The following TAFA1 variants were observed in gnomAD, a reference collection of about 807,000 sequenced individuals.
The protein encoded by TAFA1 is chemokine-like protein TAFA-1.
TAFA1 carries 4 observed loss-of-function variants against 18.5 expected under a neutral mutation model. That is an observed-to-expected ratio of 0.22 (90% CI 0.11 to 0.49). The LOEUF (loss-of-function observed/expected upper bound fraction) is 0.49, where lower values mean the gene tolerates loss of function less well. TAFA1 is among the 20% of genes least tolerant of loss of function. The pLI is 0.98. For missense variants in TAFA1, 147 were observed against 169.0 expected, an observed-to-expected ratio of 0.87 and a Z score of 0.72; for synonymous variants, 56 against 55.2, an observed-to-expected ratio of 1.01 and a Z score of -0.06.
Position 68,307,548 on chromosome 3 carries a change from T to C in TAFA1, c.119-109732T>C, listed in dbSNP as rs73836862. Among the ~76,000 whole-genome samples, 299 of 152,362 alleles carry C rather than the reference T, an allele frequency of 2.0e-3. 1 individual carries two copies. The highest frequency in any genetic ancestry group is 7.0e-3 in the African/African-American group (291 of 41,592). On this transcript the variant is annotated intron_variant, in intron 2 of 4. Coordinates refer to ENST00000478136, the MANE Select transcript of TAFA1 (RefSeq NM_213609.4). ...CATGTTAATTTTTTCAAACTTACTG[T>C]ATATATGGCTTTGTCCAGTTCTTAT...
intron 3 of TAFA1, among the ~76,000 whole-genome samples, chr3:68,500,056 GC>G (rs1203306560): frequency 2.6e-5 from 4 of 151,952 alleles, no homozygotes; most frequent in African/African-American, 7.2e-5. Context: ...TTTTGGTTGT[GC>G]CTTCTACTAT....
intron 2 of TAFA1, among the ~76,000 whole-genome samples, chr3:68,268,589 A>ATTTTTTTTT: frequency 6.6e-6 from 1 of 152,180 alleles, no homozygotes; most frequent in African/African-American, 2.4e-5. Flanking sequence ...GATAGCAAAG[A>ATTTTTTTTT]AAAGAATGGA....
intron 2 of TAFA1, among the ~76,000 whole-genome samples, chr3:68,303,493 T>G (rs1461865309): frequency 6.6e-6 from 1 of 152,106 alleles, no homozygotes; most frequent in Non-Finnish European, 1.5e-5. Context: ...CAGGCTGGAG[T>G]GCAGTAGCGT....
chr3:68,425,900 C>G (rs1300617380), intron 3 of TAFA1, among the ~76,000 whole-genome samples: 3 of 151,826 alleles, frequency 2.0e-5, no homozygotes, highest in Admixed American at 2.0e-4. Flanking sequence ...CAGTTTCCCA[C>G]AAGGCTCACT....
intron 2 of TAFA1, among the ~76,000 whole-genome samples, chr3:68,319,551 C>A (rs576010436): frequency 3.4e-4 from 52 of 152,250 alleles, no homozygotes; most frequent in African/African-American, 1.2e-3. Context: ...AAACCCTGCC[C>A]GAATGGCTTA....
intron 2 of TAFA1, among the ~76,000 whole-genome samples, chr3:68,117,467 G>C (rs2065337888): frequency 2.0e-5 from 3 of 152,204 alleles, no homozygotes; most frequent in African/African-American, 7.2e-5. Flanking sequence ...TGAATTTAAT[G>C]ATAGGTTATC....
intron 2 of TAFA1, among the ~76,000 whole-genome samples, chr3:68,120,189 CTTTCTTTCTTTCTTTCTTTCTT>C (rs2065376396): frequency 8.0e-5 from 3 of 37,546 alleles, no homozygotes; most frequent in Non-Finnish European, 1.7e-4. Context: ...TTCTTTCTTT[CTTTCTTTCTTTCTTTCTTTCTT>C]TCTTTCTTTC....
intron 2 of TAFA1, among the ~76,000 whole-genome samples, chr3:68,395,187 GAA>G (rs369346411): frequency 6.6e-6 from 1 of 150,700 alleles, no homozygotes; most frequent in South Asian, 2.1e-4. Flanking sequence ...ACAAACATAT[GAA>G]AAAAAAACTC....
chr3:68,116,340 C>A (rs1229081908), intron 2 of TAFA1, among the ~76,000 whole-genome samples: 1 of 152,120 alleles, frequency 6.6e-6, no homozygotes, highest in East Asian at 1.9e-4. Context: ...ATATTATACA[C>A]ATAAGGAAAT....
intron 2 of TAFA1, among the ~76,000 whole-genome samples, chr3:68,080,414 G>T (rs1360063769): frequency 6.6e-6 from 1 of 151,912 alleles, no homozygotes; most frequent in Non-Finnish European, 1.5e-5. Context: ...AGTCTCGATG[G>T]TCTTTACATT....
chr3:68,262,035 T>G (rs2067435903), intron 2 of TAFA1, among the ~76,000 whole-genome samples: 2 of 151,558 alleles, frequency 1.3e-5, no homozygotes, highest in African/African-American at 4.8e-5. Flanking sequence ...ATAAAATGAT[T>G]TATTTATTTA....
At chr3:68,281,208 GA>G (rs2067891734) in intron 2 of TAFA1, among the ~76,000 whole-genome samples, 1 of 152,064 alleles carries the variant, frequency 6.6e-6, no homozygotes, top group African/African-American at 2.4e-5. Context: ...AGGTTTTATA[GA>G]TAAGTAAATT....
At chr3:68,217,125 A>C (rs1307479482) in intron 2 of TAFA1, among the ~76,000 whole-genome samples, 1 of 152,132 alleles carries the variant, frequency 6.6e-6, no homozygotes, top group Non-Finnish European at 1.5e-5. Flanking sequence ...AACCTGGCAA[A>C]GATTACCACA....
At chr3:68,414,696 G>C (rs1280943639) in intron 2 of TAFA1, among the ~76,000 whole-genome samples, 1 of 152,156 alleles carries the variant, frequency 6.6e-6, no homozygotes, top group African/African-American at 2.4e-5. Context: ...TTTGACAACA[G>C]TGCCATGAGG....
chr3:68,446,083 T>G lies in TAFA1; in HGVS notation c.259+28663T>G, dbSNP rs2071470270. ...TAGCCAGCTAATTTTTCTTTTTAAT[T>G]TTTTGTAGTGATGGGGTCTTGCTAT... On this transcript the variant is annotated intron_variant, in intron 3 of 4. Transcript: ENST00000478136. Among the ~76,000 whole-genome samples the G allele has an allele frequency of 2.0e-5, 3 of 152,086 alleles. No homozygotes were observed. The South Asian group carries it at 6.2e-4, about 32-fold the overall frequency.
intron 3 of TAFA1, among the ~76,000 whole-genome samples, chr3:68,426,290 C>T (rs577175526): frequency 6.6e-6 from 1 of 151,598 alleles, no homozygotes; most frequent in Non-Finnish European, 1.5e-5. Flanking sequence ...CTCACTAATC[C>T]TCTCACATCA....
In TAFA1 at chr3:68,086,749, C is replaced by T. The variant is rs181824454; in HGVS notation, c.118+80005C>T. On this transcript the variant is annotated intron_variant, in intron 2 of 4. Transcript: ENST00000478136. ...TTTGAAATTGTCAGACTTGTGGCCA[C>T]ACATCCTATTGTGATATAAACCTAT... Among the ~76,000 whole-genome samples, 488 of 152,252 alleles carry T rather than the reference C, an allele frequency of 3.2e-3. 4 individuals carry two copies. Among genetic ancestry groups the T allele is most frequent in the African/African-American group, 0.011 (456 of 41,550 alleles).
In TAFA1 at chr3:68,527,503, C is replaced by A. The variant is rs575694351; in HGVS notation, c.260-11253C>A. 4.6e-5 allele frequency among the ~76,000 whole-genome samples: 7 copies of A among 152,196 alleles called. No individual in the cohort carries two copies. The South Asian group carries it at 1.5e-3, about 32-fold the overall frequency. ...TAATATATACTTACTTGTTTTAATA[C>A]AAAAACAGTTTTGTTAATTACTTAA... On this transcript the variant is annotated intron_variant, in intron 3 of 4. Transcript: ENST00000478136.
At chr3:68,054,555 G>A (rs2064510454) in intron 2 of TAFA1, among the ~76,000 whole-genome samples, 11 of 152,188 alleles carry the variant, frequency 7.2e-5, no homozygotes, top group Admixed American at 5.9e-4. Flanking sequence ...AAGACATGTG[G>A]CCTGTGGACC....
Sources: gnomAD v4.1 joint callset for allele counts (sites outside exome capture counted in the v4.1 genomes callset) on GRCh38, gnomAD v4.1.1 for gene constraint, MANE v1.5 for transcripts, NCBI Gene and HGNC (gene_info 2026-07-23, HGNC 2026-07-21) for gene names.